Variants in RABGAP1L observed in about 807,000 individuals in gnomAD.
RABGAP1L encodes RAB GTPase activating protein 1 like.
A neutral mutation model predicts 137.7 loss-of-function variants in RABGAP1L; 63 were observed. The ratio of observed to expected loss-of-function variants is 0.46; its 90% CI spans 0.37 to 0.56. The LOEUF is 0.56. RABGAP1L is among the 20% of genes least tolerant of loss of function. The pLI is 0.00. For synonymous variants in RABGAP1L, 431 were observed against 433.7 expected (o/e 0.99, Z 0.08); for missense variants, 1,095 against 1,244.0 (o/e 0.88, Z 1.80).
intron 19 of RABGAP1L, among the ~76,000 whole-genome samples, chr1:174,952,408 A>T (rs537693100): frequency 5.4e-4 from 81 of 148,900 alleles, no homozygotes; most frequent in African/African-American, 1.9e-3. Flanking sequence ...CTACTCAGGA[A>T]GCTAAGGTGG....
intron 13 of RABGAP1L, among the ~76,000 whole-genome samples, chr1:174,567,069 G>T (rs1667635200): frequency 6.6e-6 from 1 of 151,992 alleles, no homozygotes; most frequent in African/African-American, 2.4e-5. Flanking sequence ...GTATAATTCA[G>T]TGACACTAAA....
chr1:174,184,966 A>C (rs1433475356), intron 1 of RABGAP1L, among the ~76,000 whole-genome samples: 1 of 152,170 alleles, frequency 6.6e-6, no homozygotes, highest in Non-Finnish European at 1.5e-5. Context: ...TCAACCTCTA[A>C]GTGGTGTGGG....
intron 11 of RABGAP1L, among the ~76,000 whole-genome samples, chr1:174,328,931 G>A (rs1022624854): frequency 1.3e-5 from 2 of 150,794 alleles, no homozygotes; most frequent in African/African-American, 4.9e-5. Flanking sequence ...CTACCTCAAG[G>A]AACTAGGAAA....
At chr1:174,689,559 G>A (rs1678725882) in intron 15 of RABGAP1L, among the ~76,000 whole-genome samples, 1 of 151,970 alleles carries the variant, frequency 6.6e-6, no homozygotes, top group Non-Finnish European at 1.5e-5. Flanking sequence ...AAAAAAGTGG[G>A]GCAAAATGAC....
At chr1:174,771,750 T>C (rs971548310) in intron 18 of RABGAP1L, among the ~76,000 whole-genome samples, 1 of 152,364 alleles carries the variant, frequency 6.6e-6, no homozygotes, top group Non-Finnish European at 1.5e-5. Context: ...ATCTGACAGC[T>C]ACCATCAATA....
At chr1:174,648,647 G>A (rs972099043) in intron 14 of RABGAP1L, among the ~76,000 whole-genome samples, 1 of 152,068 alleles carries the variant, frequency 6.6e-6, no homozygotes. Flanking sequence ...GAATAAGTGC[G>A]ATGTGGTGCT....
chr1:174,800,541 G>C, intron 18 of RABGAP1L: 1 of 1,535,798 alleles, frequency 6.5e-7, no homozygotes, highest in Non-Finnish European at 8.8e-7. Context: ...TAGGGAATCT[G>C]CTATCCTCTG....
intron 1 of RABGAP1L, among the ~76,000 whole-genome samples, chr1:174,212,069 T>A (rs1668936259): frequency 3.3e-5 from 5 of 152,122 alleles, no homozygotes. Flanking sequence ...TGAACAGATC[T>A]TCCAGTCAAA....
intron 13 of RABGAP1L, among the ~76,000 whole-genome samples, chr1:174,596,480 A>C (rs932320621): frequency 1.3e-5 from 2 of 152,112 alleles, no homozygotes; most frequent in Non-Finnish European, 2.9e-5. Context: ...AGCTGTTGCA[A>C]ATTGGATTCT....
intron 13 of RABGAP1L, among the ~76,000 whole-genome samples, chr1:174,475,773 A>T (rs995052038): frequency 3.9e-4 from 13 of 32,942 alleles, no homozygotes; most frequent in African/African-American, 2.6e-3. Flanking sequence ...CCCGTGTCTT[A>T]AAAAAAAAAA....
rs1428006704 is a variant in RABGAP1L at position 174,881,090 on chromosome 1, C to T, written c.2340+69130C>T. 5.3e-5 allele frequency among the ~76,000 whole-genome samples: 8 copies of T among 151,990 alleles called. 1 individual carries two copies. The highest frequency in any genetic ancestry group is 1.3e-4 in the Admixed American group (2 of 15,264). On this transcript the variant is annotated intron_variant, in intron 19 of 25. Transcript: ENST00000681986. ...CGTTGTGTGTTTGTATGTGTATGGA[C>T]GCAGGCACATAAGAGACTGGGAGGG...
intron 13 of RABGAP1L, among the ~76,000 whole-genome samples, chr1:174,635,112 C>T (rs193187101): frequency 2.0e-5 from 3 of 151,856 alleles, no homozygotes; most frequent in Non-Finnish European, 4.4e-5. Context: ...GGCAAATTTA[C>T]TCTCTAGATT....
At chr1:174,544,315 A>G (rs1665788417) in intron 13 of RABGAP1L, among the ~76,000 whole-genome samples, 1 of 151,746 alleles carries the variant, frequency 6.6e-6, no homozygotes, top group Non-Finnish European at 1.5e-5. Flanking sequence ...TTTTTTCTCT[A>G]AACTTCTCTT....
rs143583572 is a variant in RABGAP1L at position 174,739,014 on chromosome 1, A to G, written c.2170-13299A>G. Among the ~76,000 whole-genome samples, 875 of 152,238 alleles carry G rather than the reference A, an allele frequency of 5.7e-3. 9 individuals carry two copies. The highest frequency in any genetic ancestry group is 9.7e-3 in the Non-Finnish European group (662 of 68,002). On this transcript the variant is annotated intron_variant, in intron 17 of 25. Coordinates refer to ENST00000681986, the MANE Select transcript of RABGAP1L (RefSeq NM_001366446.1). ...AACTAATTCTTCCATCTTTTTTTAA[A>G]TGGAGACATCTCCTCCTCACTATGG...
chr1:174,856,413 A>T (rs929534933), intron 19 of RABGAP1L, among the ~76,000 whole-genome samples: 3 of 146,134 alleles, frequency 2.1e-5, no homozygotes, highest in African/African-American at 7.6e-5. Flanking sequence ...AAAAAAAAAA[A>T]GAAAAGAAAA....
At chr1:174,536,860 AAT>A (rs1389574090) in intron 13 of RABGAP1L, among the ~76,000 whole-genome samples, 1 of 152,156 alleles carries the variant, frequency 6.6e-6, no homozygotes, top group Non-Finnish European at 1.5e-5. Flanking sequence ...TTTTCCTTTT[AAT>A]AGAGAAAAGG....
chr1:174,230,409 T>TA (rs890981472), intron 3 of RABGAP1L, among the ~76,000 whole-genome samples: 3 of 150,880 alleles, frequency 2.0e-5, no homozygotes, highest in Non-Finnish European at 3.0e-5. Context: ...AAAAAAAGAA[T>TA]AAAAAAAAAG....
At chr1:174,857,536 TATC>T (rs565741098) in intron 19 of RABGAP1L, among the ~76,000 whole-genome samples, 4 of 152,190 alleles carry the variant, frequency 2.6e-5, no homozygotes, top group African/African-American at 7.2e-5. Flanking sequence ...TAAATATAGT[TATC>T]ATCTTTTTGA....
intron 13 of RABGAP1L, among the ~76,000 whole-genome samples, chr1:174,558,226 A>G (rs190339495): frequency 2.0e-3 from 312 of 152,332 alleles, no homozygotes; most frequent in Admixed American, 3.1e-3. Flanking sequence ...GTTCAGTTGT[A>G]TTGACCTTTT....
Sources: allele counts gnomAD v4.1 joint callset (sites outside exome capture counted in the v4.1 genomes callset), GRCh38; gene constraint gnomAD v4.1.1; transcripts MANE v1.5; gene names NCBI Gene and HGNC (gene_info 2026-07-23, HGNC 2026-07-21).